ZPBP: variants seen among roughly 807,000 people sequenced by gnomAD.
ZPBP encodes the protein zona pellucida-binding protein 1.
A neutral mutation model predicts 44.8 loss-of-function variants in ZPBP; 26 were observed. The ratio of observed to expected loss-of-function variants is 0.58; its 90% CI spans 0.43 to 0.81. The LOEUF (loss-of-function observed/expected upper bound fraction) is 0.81. Among genes scored for constraint, ZPBP ranks in the 30% least tolerant of loss-of-function variants. The pLI is 0.00. For missense variants in ZPBP, 409 were observed against 434.0 expected (o/e 0.94, Z 0.51); for synonymous variants, 174 against 153.2 (o/e 1.14, Z -1.00).
At chr7:50,069,157 A>T (rs915247656) in intron 3 of ZPBP, among the ~76,000 whole-genome samples, 1 of 152,194 alleles carries the variant, frequency 6.6e-6, no homozygotes, top group African/African-American at 2.4e-5. Flanking sequence ...GACAGCCTGT[A>T]TTCCTTTTAA....
chr7:49,946,730 G>A (rs1332905706), intron 7 of ZPBP, among the ~76,000 whole-genome samples: 2 of 152,038 alleles, frequency 1.3e-5, no homozygotes, highest in Non-Finnish European at 2.9e-5. Context: ...CTTGAATACT[G>A]ATACCTTTTT....
intron 3 of ZPBP, among the ~76,000 whole-genome samples, chr7:50,060,222 C>T (rs1801176984): frequency 6.6e-6 from 1 of 152,100 alleles, no homozygotes; most frequent in African/African-American, 2.4e-5. Context: ...GGGGACAAGA[C>T]TCCACTGCAT....
At chr7:50,063,973 A>G (rs1052211446) in intron 3 of ZPBP, among the ~76,000 whole-genome samples, 1 of 152,100 alleles carries the variant, frequency 6.6e-6, no homozygotes, top group Non-Finnish European at 1.5e-5. Flanking sequence ...GGCCTATAAT[A>G]TTTAATGATT....
intron 4 of ZPBP, among the ~76,000 whole-genome samples, chr7:50,040,281 A>C (rs780492316): frequency 2.0e-5 from 3 of 152,270 alleles, no homozygotes; most frequent in Non-Finnish European, 2.9e-5. Context: ...TGAAAGTAAT[A>C]GAATGTTAAA....
intron 1 of ZPBP, 58 bp from the exon 2 acceptor site, chr7:50,089,767 T>C (rs1802857266): frequency 5.3e-6 from 7 of 1,328,332 alleles, no homozygotes; most frequent in East Asian, 4.9e-5. Flanking sequence ...TATTCAAATA[T>C]ACTATTACAG....
downstream of ZPBP, among the ~76,000 whole-genome samples, chr7:49,932,793 G>A (rs530207799): frequency 8.3e-4 from 126 of 152,164 alleles, no homozygotes; most frequent in African/African-American, 3.0e-3. Context: ...TCAAGGGTGG[G>A]GCCAGGTGGG....
intron 3 of ZPBP, among the ~76,000 whole-genome samples, chr7:50,068,313 C>G (rs976043504): frequency 1.3e-5 from 2 of 152,164 alleles, no homozygotes; most frequent in Non-Finnish European, 2.9e-5. Context: ...TATGAAAGCC[C>G]AACTACTGGA....
chr7:49,907,822 G>C (rs1403566439), intron 1 of ZPBP, among the ~76,000 whole-genome samples: 1 of 152,168 alleles, frequency 6.6e-6, no homozygotes, highest in Admixed American at 6.5e-5. Context: ...TAAAGACCTG[G>C]AATCAATAGA....
chr7:50,067,657 C>A (rs1017734705), intron 3 of ZPBP, among the ~76,000 whole-genome samples: 10 of 152,168 alleles, frequency 6.6e-5, no homozygotes, highest in African/African-American at 2.2e-4. Flanking sequence ...TCTACCATGT[C>A]CACCCAGCAA....
At chr7:50,016,442 C>G (rs1486882952) in intron 6 of ZPBP, among the ~76,000 whole-genome samples, 6 of 152,182 alleles carry the variant, frequency 3.9e-5, no homozygotes, top group Non-Finnish European at 8.8e-5. Context: ...AACAACCTAT[C>G]AGGTACTATG....
intron 4 of ZPBP, among the ~76,000 whole-genome samples, chr7:50,052,243 A>G (rs979172960): frequency 1.3e-5 from 2 of 152,172 alleles, no homozygotes; most frequent in African/African-American, 4.8e-5. Context: ...ATATCAAAAA[A>G]CCCAATGTTA....
At chr7:50,087,874 T>C (rs1260748378) in intron 2 of ZPBP, among the ~76,000 whole-genome samples, 1 of 152,002 alleles carries the variant, frequency 6.6e-6, no homozygotes, top group Non-Finnish European at 1.5e-5. Context: ...GATCTACAGA[T>C]TCAATGAAAT....
At chr7:50,031,827 A>AAC (rs560415719) in intron 4 of ZPBP, among the ~76,000 whole-genome samples, 1,779 of 151,394 alleles carry the variant, frequency 0.012, 20 homozygotes, top group South Asian at 0.035. Flanking sequence ...TGGAACTGAG[A>AAC]ACACACACAC....
chr7:49,904,775 G>A (rs1429296705), intron 1 of ZPBP, among the ~76,000 whole-genome samples: 7 of 139,494 alleles, frequency 5.0e-5, no homozygotes, highest in Admixed American at 1.5e-4. Context: ...TCACTCTGTC[G>A]CCCAGGTTGG....
intron 2 of ZPBP, among the ~76,000 whole-genome samples, chr7:49,891,857 TCTAA>T (rs1176839373): frequency 5.3e-5 from 8 of 152,250 alleles, no homozygotes; most frequent in Admixed American, 3.9e-4. Flanking sequence ...ACTATAGTAC[TCTAA>T]CTTTCTGCTA....
chr7:50,043,977 G>C (rs1372174676), intron 4 of ZPBP, among the ~76,000 whole-genome samples: 2 of 152,188 alleles, frequency 1.3e-5, no homozygotes, highest in Non-Finnish European at 2.9e-5. Context: ...TCAGACCACA[G>C]TGCAATAAAA....
intron 3 of ZPBP, among the ~76,000 whole-genome samples, chr7:50,076,189 T>C (rs758376571): frequency 6.6e-6 from 1 of 151,900 alleles, no homozygotes; most frequent in Non-Finnish European, 1.5e-5. Context: ...TCAAAATTGA[T>C]GCTGAAAAAG....
intron 3 of ZPBP, among the ~76,000 whole-genome samples, chr7:50,074,907 C>T (rs996154846): frequency 3.3e-5 from 5 of 151,794 alleles, no homozygotes; most frequent in Non-Finnish European, 7.4e-5. Context: ...ATCTATACTA[C>T]AGACCAAATG....
chr7:49,897,137 C>T (rs10279966), intron 2 of ZPBP, among the ~76,000 whole-genome samples: 1 of 151,962 alleles, frequency 6.6e-6, no homozygotes, highest in Non-Finnish European at 1.5e-5. Context: ...CCTCATGATC[C>T]ACCCGCCTCG....
Sources: allele counts gnomAD v4.1 joint callset (sites outside exome capture counted in the v4.1 genomes callset), GRCh38; gene constraint gnomAD v4.1.1; transcripts MANE v1.5; gene names NCBI Gene and HGNC (gene_info 2026-07-23, HGNC 2026-07-21).